Variants in RAB26 observed in about 807,000 individuals in gnomAD.
RAB26 encodes the protein RAB26, member RAS oncogene family.
Under a neutral mutation model 33.1 loss-of-function variants are expected in RAB26, and 39 were observed. The ratio of observed to expected loss-of-function variants is 1.18; its 90% confidence interval spans 0.91 to 1.54. The LOEUF (loss-of-function observed/expected upper bound fraction) is 1.54. RAB26 is among the 40% of genes most tolerant of loss of function. The pLI is 0.00. For synonymous variants in RAB26, 192 were observed against 151.9 expected (o/e 1.26, Z -1.94); for missense variants, 468 against 362.9 (o/e 1.29, Z -2.35).
Position 2,153,882 on chromosome 16 carries a change from G to A in RAB26, c.*461G>A, listed in dbSNP as rs1215313628. 2.2e-6 allele frequency: 1 copy of A among 456,640 alleles called. No homozygotes were observed. 28.3% of individuals were successfully genotyped at this position (456,640 alleles called of 1,614,324 possible). A position where few individuals can be genotyped will look rare whatever the true frequency, so the allele number is the denominator to read the frequency against. On this transcript the variant is annotated 3_prime_UTR_variant, in exon 9 of 9. Transcript: ENST00000210187. ...CGTGCATCTGTGTGTCCTGGGAGCT[G>A]CCTGCTCCCGGCCCACCCTCTAGGA...
In RAB26 at chr16:2,153,319, G is replaced by A. The variant is rs746015169; in HGVS notation, c.669G>A (p.Lys223=). The part of the protein sequence containing the change: ...NVDLAFTAIA[K]ELKQRSMKAP... Reference sequence around the variant, plus strand: ...TCCCCTTGTCACCCCCACTCCGCAGGGAGTTGAAGCAGCGCTCCATGAAGG... The same window carrying A: ...TCCCCTTGTCACCCCCACTCCGCAGAGAGTTGAAGCAGCGCTCCATGAAGG... Residue 223 remains lysine (K), a splice_region_variant and synonymous_variant, in exon 9 of 9, where the codon AAG becomes AAA. Coordinates refer to ENST00000210187, the MANE Select transcript of RAB26 (RefSeq NM_014353.5). The A allele has an allele frequency of 1.9e-6, 3 of 1,613,422 alleles. No individual in the cohort carries two copies. Among genetic ancestry groups the A allele is most frequent in the East Asian group, 2.2e-5 (1 of 44,890 alleles).
rs1283999259 is a variant in RAB26 at position 2,153,612 on chromosome 16, T to C, written c.*191T>C. The C allele has an allele frequency of 3.0e-6, 2 of 669,710 alleles. No homozygotes were observed. The highest frequency in any genetic ancestry group is 5.4e-6 in the Non-Finnish European group (2 of 372,636). 41.5% of individuals were successfully genotyped at this position (669,710 alleles called of 1,614,324 possible). A position where few individuals can be genotyped will look rare whatever the true frequency, so the allele number is the denominator to read the frequency against. On this transcript the variant is annotated 3_prime_UTR_variant, in exon 9 of 9. Coordinates refer to ENST00000210187, the MANE Select transcript of RAB26 (RefSeq NM_014353.5). ...CAACAAGCAGGCTTCTGAGAGCCCG[T>C]GGCCGCACACTGGCCGCCACGGAAA...
intron 5 of RAB26, 22 bp downstream of exon 5, chr16:2,151,930 G>T: frequency 6.2e-7 from 1 of 1,614,004 alleles, no homozygotes; most frequent in African/African-American, 1.3e-5. Context: ...TCCTGGTGGG[G>T]TGAAAGGGCC....
At chr16:2,150,177 T>C in intron 2 of RAB26, 126 bp downstream of exon 2, 1 of 797,840 alleles carries the variant, frequency 1.3e-6, no homozygotes, top group Non-Finnish European at 1.9e-6. Context: ...TGCCTCGACC[T>C]TCCAACACCT....
chr16:2,153,147 AG>A lies in RAB26; in HGVS notation c.594del (p.Glu198AspfsTer24). 1 of 1,613,764 alleles carries A rather than the reference AG, an allele frequency of 6.2e-7. No individual in the cohort carries two copies. Among genetic ancestry groups the A allele is most frequent in the Non-Finnish European group, 8.5e-7 (1 of 1,180,004 alleles). ...KREDGEKLAK[E>X]YGLPFMETSA... Reference sequence around the variant, plus strand: ...CTGGCTGGCAGCAGCTGTTTACAGGAGTATGGACTGCCCTTCATGGAGACCA... The same window carrying A: ...CTGGCTGGCAGCAGCTGTTTACAGGATATGGACTGCCCTTCATGGAGACCA... On this transcript the variant is annotated frameshift_variant and splice_region_variant, in exon 8 of 9. Coordinates refer to ENST00000210187, the MANE Select transcript of RAB26 (RefSeq NM_014353.5). LOFTEE classifies it high-confidence loss of function.
intron 1 of RAB26, 121 bp downstream of exon 1, chr16:2,149,099 GGAACCCCGTGGGGCTTGCACGGT>G: frequency 9.9e-7 from 1 of 1,010,924 alleles, no homozygotes; most frequent in Non-Finnish European, 1.3e-6. Flanking sequence ...CGACGCGGGA[GGAACCCCGTGGGGCTTGCACGGT>G]GCATCGTGCA....
rs746528238 is a variant in RAB26 at position 2,153,139 on chromosome 16, T to C, written c.592-7T>C. 3 of 1,613,742 alleles carry C rather than the reference T, an allele frequency of 1.9e-6. No homozygotes were observed. Among genetic ancestry groups the C allele is most frequent in the Non-Finnish European group, 2.5e-6 (3 of 1,180,014 alleles). ...GCCACCACCTGGCTGGCAGCAGCTG[T>C]TTACAGGAGTATGGACTGCCCTTCA... On this transcript the variant is annotated splice_polypyrimidine_tract_variant and splice_region_variant and intron_variant, in intron 7 of 8. Coordinates refer to ENST00000210187, the MANE Select transcript of RAB26 (RefSeq NM_014353.5).
intron 4 of RAB26, 44 bp from the exon 5 acceptor site, chr16:2,151,812 G>T (rs927957784): frequency 6.2e-7 from 1 of 1,613,918 alleles, no homozygotes; most frequent in Middle Eastern, 1.6e-4. Flanking sequence ...GAGCACCTGA[G>T]GGTGCAGGTG....
Position 2,151,710 on chromosome 16 carries a change from G to C in RAB26, c.364G>C (p.Gly122Arg). The C allele has an allele frequency of 1.2e-6, 2 of 1,613,992 alleles. No homozygotes were observed. Among genetic ancestry groups the C allele is most frequent in the Non-Finnish European group, 8.5e-7 (1 of 1,180,026 alleles). Residue 122 changes from glycine (G) to arginine (R), a missense_variant, in exon 4 of 9, where the codon GGT becomes CGT. Transcript: ENST00000210187. ...KVKLQMWDTA[G>R]QERFRSVTHA... ...GTCGCTGCAGATGTGGGACACAGCT[G>C]GTCAGGAGCGGTTCCGCAGTGTTAC...
At chr16:2,152,792 C>T (rs781634342) in intron 5 of RAB26, 28 bp from the exon 6 acceptor site, 15 of 1,597,120 alleles carry the variant, frequency 9.4e-6, no homozygotes, top group Non-Finnish European at 1.2e-5. Flanking sequence ...ATGCAGGGAG[C>T]CCCAGCCTGG....
rs62038840 is a variant in RAB26 at position 2,153,824 on chromosome 16, G to A, written c.*403G>A. ...CAGCTAAGGGAGGACGCCTGCCCAC[G>A]CCTGGGACAGAAGGCTTCACTGCTA... On this transcript the variant is annotated 3_prime_UTR_variant, in exon 9 of 9. Coordinates refer to ENST00000210187, the MANE Select transcript of RAB26 (RefSeq NM_014353.5). 8.9e-3 allele frequency: 4,114 copies of A among 464,532 alleles called. 44 individuals carry two copies. Among genetic ancestry groups the A allele is most frequent in the Non-Finnish European group, 0.014 (3,168 of 232,792 alleles). 28.8% of individuals were successfully genotyped at this position (464,532 alleles called of 1,614,324 possible).
Position 2,148,958 on chromosome 16 carries a change from T to A in RAB26, c.175T>A (p.Phe59Ile). 2.3e-6 allele frequency: 3 copies of A among 1,279,890 alleles called. No homozygotes were observed. Among genetic ancestry groups the A allele is most frequent in the Non-Finnish European group, 3.0e-6 (3 of 1,012,086 alleles). 79.3% of individuals were successfully genotyped at this position (1,279,890 alleles called of 1,614,324 possible). A position where few individuals can be genotyped will look rare whatever the true frequency, so the allele number is the denominator to read the frequency against. The stretch of plus-strand genomic sequence containing the variant: ...GCCCTCGCTTGGCGGCGGTGTCGAC[T>A]TCTACGACGTCGCCTTCAAGGTGAG... Reference protein sequence around the residue: ...GRPSLGGGVDFYDVAFKVMLV... With the variant: ...GRPSLGGGVDIYDVAFKVMLV... The change falls in exon 1 of 9, where the codon TTC (phenylalanine) becomes ATC (isoleucine). Residue 59 changes from phenylalanine (F) to isoleucine (I), a missense_variant. Transcript: ENST00000210187.
chr16:2,151,394 GGA>G, intron 2 of RAB26, 173 bp from the exon 3 acceptor site: 1 of 766,734 alleles, frequency 1.3e-6, no homozygotes, highest in Non-Finnish European at 2.2e-6. Context: ...GAGGCTGCCG[GGA>G]GAGGCCTGCA....
At chr16:2,150,559 G>A (rs1382180121) in intron 2 of RAB26, among the ~76,000 whole-genome samples, 4 of 145,926 alleles carry the variant, frequency 2.7e-5, no homozygotes, top group Non-Finnish European at 4.5e-5. Flanking sequence ...CCTTTAATTA[G>A]AGCCAGTTAG....
Position 2,151,552 on chromosome 16 carries a change from G to A in RAB26, c.307-17G>A. On this transcript the variant is annotated splice_polypyrimidine_tract_variant and intron_variant, in intron 2 of 8. Coordinates refer to ENST00000210187, the MANE Select transcript of RAB26 (RefSeq NM_014353.5). ...GGCTGGGCCCATGCCAGAGCTGCCT[G>A]GTTCTGTCTGTTTCAGAACAAAGTT... is the stretch of plus-strand genomic sequence containing the variant. The A allele has an allele frequency of 6.2e-7, 1 of 1,613,616 alleles. No individual in the cohort carries two copies.
chr16:2,148,472 C>CG (rs1002454795), upstream of RAB26: 1 of 152,296 alleles, frequency 6.6e-6, no homozygotes, highest in Non-Finnish European at 1.5e-5. Context: ...GGGTCGTGAT[C>CG]GGGGGCGGGA....
chr16:2,151,099 G>A (rs2093003440), intron 2 of RAB26: 2 of 408,086 alleles, frequency 4.9e-6, no homozygotes, highest in African/African-American at 2.1e-5. Context: ...ATCCCAGCAA[G>A]GAGTGGCTTT....
Position 2,152,821 on chromosome 16 carries a change from CCTGGCTGACCG to C in RAB26, c.471_481del (p.Trp158AspfsTer23). The C allele has an allele frequency of 6.2e-7, 1 of 1,605,508 alleles. No homozygotes were observed. Among genetic ancestry groups the C allele is most frequent in the Non-Finnish European group, 8.5e-7 (1 of 1,177,704 alleles). ...AGCCTGGTCTGCTGCCTCCCACAGG[CCTGGCTGACCG>C]AGATCCACGAGTACGCCCAGCACGA... On this transcript the variant is annotated frameshift_variant and splice_region_variant, in exon 6 of 9. Transcript: ENST00000210187. LOFTEE classifies it high-confidence loss of function.
Position 2,153,862 on chromosome 16 carries a change from A to G in RAB26, c.*441A>G. ...GGCTTCACTGCTAATCACATCGTGCATCTGTGTGTCCTGGGAGCTGCCTGC... is the reference window on the plus strand; with the variant it reads ...GGCTTCACTGCTAATCACATCGTGCGTCTGTGTGTCCTGGGAGCTGCCTGC... On this transcript the variant is annotated 3_prime_UTR_variant, in exon 9 of 9. Coordinates refer to ENST00000210187, the MANE Select transcript of RAB26 (RefSeq NM_014353.5). The G allele has an allele frequency of 4.4e-6, 2 of 458,394 alleles. No homozygotes were observed. The highest frequency in any genetic ancestry group is 3.2e-4 in the Middle Eastern group (1 of 3,078). 28.4% of individuals were successfully genotyped at this position (458,394 alleles called of 1,614,324 possible).
Sources: gnomAD v4.1 joint callset for allele counts (sites outside exome capture counted in the v4.1 genomes callset) on GRCh38, gnomAD v4.1.1 for gene constraint, MANE v1.5 for transcripts, NCBI Gene and HGNC (gene_info 2026-07-23, HGNC 2026-07-21) for gene names.